ZNRF2: variants seen among roughly 807,000 people sequenced by gnomAD.
ZNRF2 encodes E3 ubiquitin-protein ligase ZNRF2.
In ZNRF2, 16 loss-of-function variants were observed where a neutral mutation model predicts 20.4. The observed-to-expected ratio is 0.79, with a 90% CI of 0.53 to 1.19. The LOEUF is 1.19. Among genes scored for constraint, ZNRF2 ranks in the 50% most tolerant of loss-of-function variants. The probability of loss-of-function intolerance (pLI) is 0.00; values close to 1 mark genes in which losing one functional copy is unlikely to be tolerated. For synonymous variants in ZNRF2, 178 were observed against 144.9 expected, an observed-to-expected ratio of 1.23 and a Z score of -1.64; for missense variants, 363 against 332.4, an observed-to-expected ratio of 1.09 and a Z score of -0.72.
In ZNRF2 at chr7:30,307,326, G is replaced by GTTTTTTTTTTT. The variant is rs78007797; in HGVS notation, c.470-16302_470-16292dup. On this transcript the variant is annotated intron_variant, in intron 1 of 4. Coordinates refer to ENST00000323037, the MANE Select transcript of ZNRF2 (RefSeq NM_147128.4). The stretch of plus-strand genomic sequence containing the variant: ...TGTCTTCTTTCTGCTGTTTTTTTTT[G>GTTTTTTTTTTT]TTTTTTTTTTTTTTTTTTTTTTTTG... Among the ~76,000 whole-genome samples the GTTTTTTTTTTT allele has an allele frequency of 3.1e-3, 132 of 43,242 alleles. 1 individual carries two copies. The highest frequency in any genetic ancestry group is 4.5e-3 in the Non-Finnish European group (94 of 20,986). The allele number at this position is 43,242 out of a possible 152,430, so 28.4% of individuals were successfully genotyped here. A position where few individuals can be genotyped will look rare whatever the true frequency, so the allele number is the denominator to read the frequency against.
intron 2 of ZNRF2, among the ~76,000 whole-genome samples, chr7:30,333,434 A>G (rs1283319586): frequency 6.8e-6 from 1 of 147,882 alleles, no homozygotes; most frequent in Non-Finnish European, 1.5e-5. Flanking sequence ...CAGTGGCGCC[A>G]TCTCACTTCA....
At chr7:30,344,383 G>GT (rs1242958935) in intron 2 of ZNRF2, among the ~76,000 whole-genome samples, 6 of 151,386 alleles carry the variant, frequency 4.0e-5, no homozygotes, top group African/African-American at 1.2e-4. Flanking sequence ...TTTAGATACT[G>GT]TTTTTTTCTA....
intron 1 of ZNRF2, among the ~76,000 whole-genome samples, chr7:30,288,084 C>T (rs369003726): frequency 1.3e-5 from 2 of 151,276 alleles, no homozygotes; most frequent in Non-Finnish European, 1.5e-5. Context: ...TTTTAGTGGA[C>T]GGGTTATTAG....
At position 30,293,102 on chromosome 7, in the gene ZNRF2, GCC is replaced by G. The variant is rs1267041134; in HGVS notation, c.469+7277_469+7278del. Reference sequence around the variant, plus strand: ...GCATATCCCGTGTTTTGAAGATAGAGCCACCTGGATTAGATGTGGAGGTATGA... The same window carrying G: ...GCATATCCCGTGTTTTGAAGATAGAGACCTGGATTAGATGTGGAGGTATGA... On this transcript the variant is annotated intron_variant, in intron 1 of 4. Coordinates refer to ENST00000323037, the MANE Select transcript of ZNRF2 (RefSeq NM_147128.4). 6.6e-3 allele frequency among the ~76,000 whole-genome samples: 1,008 copies of G among 152,234 alleles called. 15 individuals carry two copies. The highest frequency in any genetic ancestry group is 0.023 in the African/African-American group (969 of 41,520).
intron 2 of ZNRF2, among the ~76,000 whole-genome samples, chr7:30,339,891 A>G (rs1295113946): frequency 1.3e-5 from 2 of 152,112 alleles, no homozygotes; most frequent in Non-Finnish European, 2.9e-5. Flanking sequence ...TCTTCCTACC[A>G]TTGAGCATGG....
intron 2 of ZNRF2, among the ~76,000 whole-genome samples, chr7:30,348,436 C>G (rs964725191): frequency 6.6e-6 from 1 of 152,190 alleles, no homozygotes; most frequent in African/African-American, 2.4e-5. Context: ...ACAAGGTCCC[C>G]TGCCCTCATA....
In ZNRF2 at chr7:30,362,375, A is replaced by G; in HGVS notation, c.672-2A>G. The G allele has an allele frequency of 6.3e-7, 1 of 1,577,824 alleles. No homozygotes were observed. The highest frequency in any genetic ancestry group is 8.6e-7 in the Non-Finnish European group (1 of 1,156,822). ...AATTTTTCTGGTTTTGTTCCTTTCTAGCTGCATAGATGAATGGTTTGAAGT... is the reference window on the plus strand; with the variant it reads ...AATTTTTCTGGTTTTGTTCCTTTCTGGCTGCATAGATGAATGGTTTGAAGT... On this transcript the variant is annotated splice_acceptor_variant, in intron 3 of 4. Coordinates refer to ENST00000323037, the MANE Select transcript of ZNRF2 (RefSeq NM_147128.4). LOFTEE classifies it high-confidence loss of function.
intron 1 of ZNRF2, among the ~76,000 whole-genome samples, chr7:30,322,361 C>T (rs888741820): frequency 2.0e-5 from 3 of 152,180 alleles, no homozygotes; most frequent in Non-Finnish European, 4.4e-5. Flanking sequence ...GTGAGTTTCA[C>T]ATCACAGTGA....
At position 30,285,553 on chromosome 7, in the gene ZNRF2, G is replaced by A; in HGVS notation, c.196G>A (p.Ala66Thr). 1 of 970,656 alleles carries A rather than the reference G, an allele frequency of 1.0e-6. No individual in the cohort carries two copies. The highest frequency in any genetic ancestry group is 1.2e-6 in the Non-Finnish European group (1 of 822,312). The allele number at this position is 970,656 out of a possible 1,614,324, so 60.1% of individuals were successfully genotyped here. The part of the protein sequence containing the change: ...AHQPSASGGA[A>T]AAAAAPAAPA... ...CCAGCCCAGCGCCTCCGGCGGCGCCGCGGCGGCCGCGGCGGCCCCGGCAGC... is the reference window on the plus strand; with the variant it reads ...CCAGCCCAGCGCCTCCGGCGGCGCCACGGCGGCCGCGGCGGCCCCGGCAGC... Residue 66 changes from alanine (A) to threonine (T), a missense_variant, in exon 1 of 5, where the codon GCG becomes ACG. Physicochemically the swap from Ala to Thr is moderately conservative, Grantham distance 58. Transcript: ENST00000323037.
intron 2 of ZNRF2, among the ~76,000 whole-genome samples, chr7:30,323,962 C>T (rs1799513001): frequency 6.6e-6 from 1 of 151,960 alleles, no homozygotes; most frequent in Non-Finnish European, 1.5e-5. Flanking sequence ...TTATATCTAT[C>T]CATATTTGTC....
At chr7:30,364,171 A>G (rs531929579) in intron 4 of ZNRF2, among the ~76,000 whole-genome samples, 2 of 152,336 alleles carry the variant, frequency 1.3e-5, no homozygotes, top group South Asian at 4.1e-4. Context: ...ATGATTTAAG[A>G]GTAGCAGATT....
At chr7:30,308,299 T>A (rs1799240207) in intron 1 of ZNRF2, among the ~76,000 whole-genome samples, 1 of 152,234 alleles carries the variant, frequency 6.6e-6, no homozygotes, top group Non-Finnish European at 1.5e-5. Flanking sequence ...ACCAGAATTT[T>A]TTCAACCATT....
intron 2 of ZNRF2, among the ~76,000 whole-genome samples, chr7:30,326,217 C>T (rs115112447): frequency 6.6e-6 from 1 of 152,028 alleles, no homozygotes; most frequent in Non-Finnish European, 1.5e-5. Context: ...GTTTGTTCTA[C>T]AGATATTTTG....
chr7:30,294,051 C>G (rs1482581906), intron 1 of ZNRF2, among the ~76,000 whole-genome samples: 2 of 152,008 alleles, frequency 1.3e-5, no homozygotes, highest in Admixed American at 1.3e-4. Flanking sequence ...CAGGGTCTCG[C>G]TATATTGCCC....
intron 2 of ZNRF2, among the ~76,000 whole-genome samples, chr7:30,343,779 C>G (rs1799834529): frequency 6.6e-6 from 1 of 151,322 alleles, no homozygotes; most frequent in South Asian, 2.1e-4. Context: ...GCAATCCAAT[C>G]TAATCTTTGT....
rs914211383 is a variant in ZNRF2 at position 30,366,766 on chromosome 7, T to A, written c.*754T>A. ...CTACTGAATTGCAATTTATTAAATATTCTTATCCTCTTAAATAAAACTGCT... is the reference window on the plus strand; with the variant it reads ...CTACTGAATTGCAATTTATTAAATAATCTTATCCTCTTAAATAAAACTGCT... On this transcript the variant is annotated 3_prime_UTR_variant, in exon 5 of 5. Coordinates refer to ENST00000323037, the MANE Select transcript of ZNRF2 (RefSeq NM_147128.4). The A allele has an allele frequency of 2.6e-5, 4 of 152,578 alleles. No homozygotes were observed. Among genetic ancestry groups the A allele is most frequent in the Admixed American group, 6.6e-5 (1 of 15,260 alleles). 9.5% of individuals were successfully genotyped at this position (152,578 alleles called of 1,614,324 possible). A position where few individuals can be genotyped will look rare whatever the true frequency, so the allele number is the denominator to read the frequency against.
At chr7:30,294,433 TTTATTGTGGTGGTCC>T (rs1301534864) in intron 1 of ZNRF2, among the ~76,000 whole-genome samples, 1 of 152,198 alleles carries the variant, frequency 6.6e-6, no homozygotes, top group Non-Finnish European at 1.5e-5. Flanking sequence ...AAAGTGTGGC[TTTATTGTGGTGGTCC>T]TTACTAGTAC....
At position 30,285,547 on chromosome 7, in the gene ZNRF2, G is replaced by GCC. The variant is rs1798762025; in HGVS notation, c.190_191insCC (p.Gly64AlafsTer80). 2.0e-6 allele frequency: 2 copies of GCC among 976,852 alleles called. No individual in the cohort carries two copies. Among genetic ancestry groups the GCC allele is most frequent in the Non-Finnish European group, 2.4e-6 (2 of 826,874 alleles). The allele number at this position is 976,852 out of a possible 1,614,324, so 60.5% of individuals were successfully genotyped here. A position where few individuals can be genotyped will look rare whatever the true frequency, so the allele number is the denominator to read the frequency against. ...CGCGCACCAGCCCAGCGCCTCCGGC[G>GCC]GCGCCGCGGCGGCCGCGGCGGCCCC... is the stretch of plus-strand genomic sequence containing the variant. On this transcript the variant is annotated frameshift_variant, in exon 1 of 5. Transcript: ENST00000323037. LOFTEE classifies it high-confidence loss of function.
chr7:30,354,561 T>C (rs1278081280), intron 2 of ZNRF2, among the ~76,000 whole-genome samples: 1 of 152,150 alleles, frequency 6.6e-6, no homozygotes, highest in Admixed American at 6.5e-5. Flanking sequence ...ATGTACACAA[T>C]CAAATTTGTT....
Sources: allele counts gnomAD v4.1 joint callset (sites outside exome capture counted in the v4.1 genomes callset), GRCh38; gene constraint gnomAD v4.1.1; transcripts MANE v1.5; gene names NCBI Gene and HGNC (gene_info 2026-07-23, HGNC 2026-07-21).